The following GEMIN6 variants were observed in gnomAD, a reference collection of about 807,000 sequenced individuals.
GEMIN6 encodes gem nuclear organelle associated protein 6.
A neutral mutation model predicts 14.1 loss-of-function variants in GEMIN6; 13 were observed. That is an observed-to-expected ratio of 0.92 (90% CI 0.60 to 1.46). The LOEUF (loss-of-function observed/expected upper bound fraction) is 1.46, where lower values mean the gene tolerates loss of function less well. GEMIN6 is among the 40% of genes most tolerant of loss of function. The pLI is 0.00. For synonymous variants in GEMIN6, 87 were observed against 70.0 expected (o/e 1.24, Z -1.21); for missense variants, 271 against 202.4 (o/e 1.34, Z -2.06).
chr2:38,780,977 CTTT>C (rs869246263), intron 2 of GEMIN6, among the ~76,000 whole-genome samples: 1 of 42,288 alleles, frequency 2.4e-5, no homozygotes. Context: ...CTGCCTTCTT[CTTT>C]TTTTTTTTTT....
At position 38,781,975 on chromosome 2, in the gene GEMIN6, CTGTGTGTGTGTA is replaced by C. The variant is rs1669103009; in HGVS notation, c.*95_*106del. Reference sequence around the variant, plus strand: ...ATGTTTTAAATGTAAATGTACATGACTGTGTGTGTGTATGTGTGTGTGTGTATAATTCTTTGT... The same window carrying C: ...ATGTTTTAAATGTAAATGTACATGACTGTGTGTGTGTGTATAATTCTTTGT... On this transcript the variant is annotated 3_prime_UTR_variant, in exon 3 of 3. Coordinates refer to ENST00000281950, the MANE Select transcript of GEMIN6 (RefSeq NM_024775.10). 1.1e-5 allele frequency: 14 copies of C among 1,325,426 alleles called. No individual in the cohort carries two copies. Among genetic ancestry groups the C allele is most frequent in the East Asian group, 2.3e-5 (1 of 43,256 alleles). The allele number at this position is 1,325,426 out of a possible 1,614,324, so 82.1% of individuals were successfully genotyped here.
At chr2:38,779,655 TATATATA>T (rs1669033689) in intron 2 of GEMIN6, among the ~76,000 whole-genome samples, 12 of 33,676 alleles carry the variant, frequency 3.6e-4, no homozygotes, top group Non-Finnish European at 7.7e-4. Context: ...TATATATATA[TATATATA>T]TATTTTTTTT....
rs1230091537 is a variant in GEMIN6 at position 38,779,475 on chromosome 2, C to T, written c.128+357C>T. On this transcript the variant is annotated intron_variant, in intron 2 of 2. Coordinates refer to ENST00000281950, the MANE Select transcript of GEMIN6 (RefSeq NM_024775.10). Reference sequence around the variant, plus strand: ...CAAACTCCTGATCTCCAAGGATCTGCCCACCTTAGCGTCACAGAGTGCTGG... The same window carrying T: ...CAAACTCCTGATCTCCAAGGATCTGTCCACCTTAGCGTCACAGAGTGCTGG... 15 of 260,742 alleles carry T rather than the reference C, an allele frequency of 5.8e-5. No homozygotes were observed. In the Admixed American group the frequency reaches 7.0e-4, roughly 12 times the overall value. The allele number at this position is 260,742 out of a possible 1,614,324, so 16.2% of individuals were successfully genotyped here. A position where few individuals can be genotyped will look rare whatever the true frequency, so the allele number is the denominator to read the frequency against.
rs754610791 is a variant in GEMIN6 at position 38,779,234 on chromosome 2, G to C, written c.128+116G>C. 41 of 1,166,754 alleles carry C rather than the reference G, an allele frequency of 3.5e-5. 1 individual carries two copies. The Middle Eastern group carries it at 1.7e-3, about 48-fold the overall frequency. The allele number at this position is 1,166,754 out of a possible 1,614,324, so 72.3% of individuals were successfully genotyped here. On this transcript the variant is annotated intron_variant, in intron 2 of 2. Coordinates refer to ENST00000281950, the MANE Select transcript of GEMIN6 (RefSeq NM_024775.10). ...GCTAATTATTAATATTTTCATATAA[G>C]AATTTTTTGTTTGTTTGAGACAGGG...
At chr2:38,780,532 G>A (rs887675551) in intron 2 of GEMIN6, among the ~76,000 whole-genome samples, 1 of 150,414 alleles carries the variant, frequency 6.6e-6, no homozygotes, top group African/African-American at 2.4e-5. Flanking sequence ...TAGAGATGGG[G>A]TTTCACCATG....
In GEMIN6 at chr2:38,781,952, G is replaced by A. The variant is rs1307138822; in HGVS notation, c.*60G>A. ...GACTATATTTTATCCCTCATAAAATGTTTTAAATGTAAATGTACATGACTG... is the reference window on the plus strand; with the variant it reads ...GACTATATTTTATCCCTCATAAAATATTTTAAATGTAAATGTACATGACTG... On this transcript the variant is annotated 3_prime_UTR_variant, in exon 3 of 3. Transcript: ENST00000281950. 16 of 1,449,694 alleles carry A rather than the reference G, an allele frequency of 1.1e-5. 1 individual carries two copies. The East Asian group carries it at 1.4e-4, about 12-fold the overall frequency. 89.8% of individuals were successfully genotyped at this position (1,449,694 alleles called of 1,614,324 possible). A position where few individuals can be genotyped will look rare whatever the true frequency, so the allele number is the denominator to read the frequency against.
chr2:38,780,418 G>A (rs1669053613), intron 2 of GEMIN6, among the ~76,000 whole-genome samples: 1 of 147,590 alleles, frequency 6.8e-6, no homozygotes, highest in Non-Finnish European at 1.5e-5. Context: ...AGGCTGGAGT[G>A]CAGTGGCGTG....
In GEMIN6 at chr2:38,783,810, C is replaced by G. The variant is rs184788707; in HGVS notation, c.*1918C>G. 9 of 152,094 alleles carry G rather than the reference C, an allele frequency of 5.9e-5. No homozygotes were observed. Among genetic ancestry groups the G allele is most frequent in the Admixed American group, 5.9e-4 (9 of 15,258 alleles). The allele number at this position is 152,094 out of a possible 1,614,324, so 9.4% of individuals were successfully genotyped here. A position where few individuals can be genotyped will look rare whatever the true frequency, so the allele number is the denominator to read the frequency against. ...GGCCTTTGAATACAGTCTGATAACACAGCTATTTTCCTGCATAGTTGTCTA... is the reference window on the plus strand; with the variant it reads ...GGCCTTTGAATACAGTCTGATAACAGAGCTATTTTCCTGCATAGTTGTCTA... On this transcript the variant is annotated 3_prime_UTR_variant, in exon 3 of 3. Transcript: ENST00000281950.
chr2:38,781,390 ATGTT>A (rs1453464295), intron 2 of GEMIN6, 123 bp from the exon 3 acceptor site: 2 of 977,416 alleles, frequency 2.0e-6, no homozygotes, highest in Non-Finnish European at 1.5e-6. Context: ...TCCTTAGTGA[ATGTT>A]TGTTGAATAA....
In GEMIN6 at chr2:38,783,785, G is replaced by A. The variant is rs2148514976; in HGVS notation, c.*1893G>A. On this transcript the variant is annotated 3_prime_UTR_variant, in exon 3 of 3. Coordinates refer to ENST00000281950, the MANE Select transcript of GEMIN6 (RefSeq NM_024775.10). ...GAATCAGCAAATATTTAGGTTTCAG[G>A]GCCTTTGAATACAGTCTGATAACAC... is the stretch of plus-strand genomic sequence containing the variant. The A allele has an allele frequency of 6.6e-6, 1 of 152,018 alleles. No homozygotes were observed. Among genetic ancestry groups the A allele is most frequent in the Middle Eastern group, 3.4e-3 (1 of 294 alleles). The allele number at this position is 152,018 out of a possible 1,614,324, so 9.4% of individuals were successfully genotyped here.
chr2:38,781,473 C>G lies in GEMIN6; in HGVS notation c.129-44C>G, dbSNP rs755661752. ...GAGTGTCATCTATTATTTTAGTGAC[C>G]TACTTGGGTTGATGATGCCTCTAAA... On this transcript the variant is annotated intron_variant, in intron 2 of 2. Coordinates refer to ENST00000281950, the MANE Select transcript of GEMIN6 (RefSeq NM_024775.10). 3.6e-5 allele frequency: 56 copies of G among 1,542,482 alleles called. No individual in the cohort carries two copies. In the South Asian group the frequency reaches 5.5e-4, roughly 15 times the overall value.
rs1214807802 is a variant in GEMIN6, at chr2:38,780,702, C to G, written c.129-815C>G. 3.3e-5 allele frequency among the ~76,000 whole-genome samples: 5 copies of G among 151,868 alleles called. No individual in the cohort carries two copies. The East Asian group carries it at 7.8e-4, about 24-fold the overall frequency. On this transcript the variant is annotated intron_variant, in intron 2 of 2. Coordinates refer to ENST00000281950, the MANE Select transcript of GEMIN6 (RefSeq NM_024775.10). ...GGAGTTCAATGGCTCGATCTCGGCTCACTGCAACCTCTGCCTCCCGGATTC... is the reference window on the plus strand; with the variant it reads ...GGAGTTCAATGGCTCGATCTCGGCTGACTGCAACCTCTGCCTCCCGGATTC...
chr2:38,780,704 C>G (rs906989611), intron 2 of GEMIN6, among the ~76,000 whole-genome samples: 3 of 152,010 alleles, frequency 2.0e-5, no homozygotes, highest in African/African-American at 7.2e-5. Context: ...TCTCGGCTCA[C>G]TGCAACCTCT....
Position 38,782,038 on chromosome 2 carries a change from G to A in GEMIN6, c.*146G>A, listed in dbSNP as rs148397367. On this transcript the variant is annotated 3_prime_UTR_variant, in exon 3 of 3. Coordinates refer to ENST00000281950, the MANE Select transcript of GEMIN6 (RefSeq NM_024775.10). The stretch of plus-strand genomic sequence containing the variant: ...TGTTTTGGTAAAATCAGAGGAGTGG[G>A]TTATAAGTGCTAATTTCCTTGGGAA... 2.0e-3 allele frequency: 1,466 copies of A among 741,156 alleles called. 11 individuals are homozygous for A. Among genetic ancestry groups the A allele is most frequent in the East Asian group, 7.2e-3 (263 of 36,640 alleles). 45.9% of individuals were successfully genotyped at this position (741,156 alleles called of 1,614,324 possible).
intron 2 of GEMIN6, chr2:38,779,369 T>G (rs1405543046): frequency 2.6e-6 from 1 of 384,252 alleles, no homozygotes; most frequent in East Asian, 7.2e-5. Context: ...TAGCTGGGAC[T>G]ACAGGCATTT....
chr2:38,780,281 C>G (rs1669050480), intron 2 of GEMIN6, among the ~76,000 whole-genome samples: 1 of 150,172 alleles, frequency 6.7e-6, no homozygotes, highest in Non-Finnish European at 1.5e-5. Flanking sequence ...GATCGCGCCA[C>G]TGCACTCTAG....
rs1269112812 is a variant in GEMIN6 at position 38,781,734 on chromosome 2, C to A, written c.346C>A (p.Pro116Thr). The change falls in exon 3 of 3, where the codon CCC becomes ACC. Residue 116 changes from proline to threonine, a missense_variant. By Grantham distance (38) the Pro-to-Thr change is conservative. Coordinates refer to ENST00000281950, the MANE Select transcript of GEMIN6 (RefSeq NM_024775.10). ...GAAATGGCTTGAGAAGAACCACATC[C>A]CCATCACTGAACAGGGAGACGCTCC... Reference protein sequence around the residue: ...LKKWLEKNHIPITEQGDAPRT... With the variant: ...LKKWLEKNHITITEQGDAPRT... 1.9e-6 allele frequency: 3 copies of A among 1,613,998 alleles called. No individual in the cohort carries two copies. Among genetic ancestry groups the A allele is most frequent in the African/African-American group, 2.7e-5 (2 of 74,910 alleles).
chr2:38,779,755 C>T (rs1318158593), intron 2 of GEMIN6, among the ~76,000 whole-genome samples: 4 of 131,306 alleles, frequency 3.0e-5, no homozygotes, highest in Non-Finnish European at 4.7e-5. Context: ...AATCTTGGCT[C>T]ACTGCAACTT....
chr2:38,779,660 ATATATTTT>A (rs1326333695), intron 2 of GEMIN6, among the ~76,000 whole-genome samples: 1 of 28,232 alleles, frequency 3.5e-5, no homozygotes, highest in African/African-American at 1.1e-4. Context: ...ATATATATAT[ATATATTTT>A]TTTTTTTTTT....
Sources: allele counts gnomAD v4.1 joint callset (sites outside exome capture counted in the v4.1 genomes callset), GRCh38; gene constraint gnomAD v4.1.1; transcripts MANE v1.5; gene names NCBI Gene and HGNC (gene_info 2026-07-23, HGNC 2026-07-21).